ETV6: variants seen among roughly 807,000 people sequenced by gnomAD.
ETV6 encodes ETS variant transcription factor 6.
In ETV6, 16 loss-of-function variants were observed where a neutral mutation model predicts 51.1. The ratio of observed to expected loss-of-function variants is 0.31; its 90% CI spans 0.21 to 0.48. The LOEUF is 0.48. Ranked by LOEUF, ETV6 falls within the 20% of genes least tolerant of loss-of-function variation. The pLI is 0.99. For missense variants in ETV6, 458 were observed against 594.8 expected (o/e 0.77, Z 2.39); for synonymous variants, 240 against 224.1 (o/e 1.07, Z -0.64).
intron 1 of ETV6, among the ~76,000 whole-genome samples, chr12:11,661,272 C>G (rs1864097121): frequency 1.3e-5 from 2 of 152,234 alleles, no homozygotes. Context: ...GGATTATAGG[C>G]ATGAACCACT....
At chr12:11,861,440 T>C (rs1333356831) in intron 4 of ETV6, among the ~76,000 whole-genome samples, 1 of 152,048 alleles carries the variant, frequency 6.6e-6, no homozygotes, top group Non-Finnish European at 1.5e-5. Flanking sequence ...TGTGACGGAG[T>C]GTAGGGACTG....
At chr12:11,702,860 A>G (rs1368258254) in intron 1 of ETV6, among the ~76,000 whole-genome samples, 4 of 152,166 alleles carry the variant, frequency 2.6e-5, no homozygotes, top group Admixed American at 1.3e-4. Context: ...AATCCCAACA[A>G]TTTTGGAGGC....
At chr12:11,774,264 T>G (rs769037783) in intron 2 of ETV6, among the ~76,000 whole-genome samples, 22 of 152,218 alleles carry the variant, frequency 1.4e-4, no homozygotes, top group Admixed American at 3.3e-4. Flanking sequence ...ATGTTCTTCC[T>G]GGTCAACAAA....
At chr12:11,867,286 C>T (rs1428247941) in intron 4 of ETV6, among the ~76,000 whole-genome samples, 3 of 152,192 alleles carry the variant, frequency 2.0e-5, no homozygotes, top group Non-Finnish European at 4.4e-5. Context: ...CTTCATCTTG[C>T]TTTTCGTATC....
intron 1 of ETV6, among the ~76,000 whole-genome samples, chr12:11,670,860 A>G (rs1385993167): frequency 2.0e-5 from 3 of 152,242 alleles, no homozygotes; most frequent in Non-Finnish European, 2.9e-5. Flanking sequence ...CTTGCCTTGC[A>G]GGGTTTTAAA....
Position 11,690,270 on chromosome 12 carries a change from C to G in ETV6, c.33+40110C>G, listed in dbSNP as rs566536683. 4.0e-5 allele frequency among the ~76,000 whole-genome samples: 6 copies of G among 151,824 alleles called. No individual in the cohort carries two copies. In the East Asian group the frequency reaches 7.8e-4, roughly 20 times the overall value. Reference sequence around the variant, plus strand: ...TGCAGTGTGAGCTGTCCTTTCTCCCCCTTCCTCACGTCCTTACAAGACACC... The same window carrying G: ...TGCAGTGTGAGCTGTCCTTTCTCCCGCTTCCTCACGTCCTTACAAGACACC... On this transcript the variant is annotated intron_variant, in intron 1 of 7. Coordinates refer to ENST00000396373, the MANE Select transcript of ETV6 (RefSeq NM_001987.5).
intron 2 of ETV6, among the ~76,000 whole-genome samples, chr12:11,784,552 A>C (rs1194117461): frequency 6.6e-6 from 1 of 152,162 alleles, no homozygotes; most frequent in Non-Finnish European, 1.5e-5. Context: ...AACAACAATA[A>C]AGACCTTGAG....
chr12:11,655,987 A>G (rs1392415969), intron 1 of ETV6, among the ~76,000 whole-genome samples: 1 of 152,250 alleles, frequency 6.6e-6, no homozygotes, highest in Non-Finnish European at 1.5e-5. Flanking sequence ...GCTTACAGCT[A>G]TATAGTGATT....
At position 11,650,489 on chromosome 12, in the gene ETV6, A is replaced by AAC. The variant is rs1555109499; in HGVS notation, c.33+330_33+331insCA. ...CCCGTAATTAGTGCGCTTAAAAAAA[A>AAC]AAAAAACAAAAAACAAAAAAAAAAA... On this transcript the variant is annotated intron_variant, in intron 1 of 7. Coordinates refer to ENST00000396373, the MANE Select transcript of ETV6 (RefSeq NM_001987.5). Among the ~76,000 whole-genome samples, 29 of 67,390 alleles carry AAC rather than the reference A, an allele frequency of 4.3e-4. 1 individual carries two copies. Among genetic ancestry groups the AAC allele is most frequent in the Non-Finnish European group, 5.9e-4 (17 of 29,008 alleles). 44.2% of individuals were successfully genotyped at this position (67,390 alleles called of 152,430 possible).
At chr12:11,668,310 C>G (rs1159589670) in intron 1 of ETV6, among the ~76,000 whole-genome samples, 1 of 138,804 alleles carries the variant, frequency 7.2e-6, no homozygotes, top group African/African-American at 2.7e-5. Flanking sequence ...GGGAGGGACA[C>G]CCTCCCCTTC....
At chr12:11,771,921 A>C (rs1848391789) in intron 2 of ETV6, among the ~76,000 whole-genome samples, 1 of 152,236 alleles carries the variant, frequency 6.6e-6, no homozygotes, top group Non-Finnish European at 1.5e-5. Flanking sequence ...CTGTGATATG[A>C]GGAAATCACC....
intron 3 of ETV6, among the ~76,000 whole-genome samples, chr12:11,846,911 C>T (rs1165565553): frequency 1.3e-5 from 2 of 152,170 alleles, no homozygotes; most frequent in Non-Finnish European, 2.9e-5. Context: ...CTCGCTCTGT[C>T]GCCCAGGCTG....
At chr12:11,814,211 A>T (rs1310872166) in intron 2 of ETV6, among the ~76,000 whole-genome samples, 1 of 152,216 alleles carries the variant, frequency 6.6e-6, no homozygotes, top group Non-Finnish European at 1.5e-5. Context: ...AATTGTGTTA[A>T]ATAGAGTTTT....
At chr12:11,835,512 G>A (rs1024452551) in intron 2 of ETV6, among the ~76,000 whole-genome samples, 6 of 152,218 alleles carry the variant, frequency 3.9e-5, no homozygotes, top group South Asian at 2.1e-4. Context: ...GCTGTGAGCC[G>A]TGTAAGACTC....
At chr12:11,882,619 G>A (rs982017188) in intron 5 of ETV6, among the ~76,000 whole-genome samples, 6 of 152,152 alleles carry the variant, frequency 3.9e-5, no homozygotes, top group African/African-American at 9.7e-5. Flanking sequence ...ACTAAATACC[G>A]TTGTTATTTT....
chr12:11,750,792 C>CTGTTTTTT (rs1762533216), intron 1 of ETV6: 1 of 349,590 alleles, frequency 2.9e-6, no homozygotes, highest in Non-Finnish European at 5.3e-6. Context: ...TATGTGTGGG[C>CTGTTTTTT]TTTTTTTTTT....
At chr12:11,870,674 A>G (rs1475089051) in intron 5 of ETV6, among the ~76,000 whole-genome samples, 1 of 152,228 alleles carries the variant, frequency 6.6e-6, no homozygotes, top group Non-Finnish European at 1.5e-5. Flanking sequence ...TTCGTAGAGC[A>G]TTTCTCCATT....
Position 11,869,506 on chromosome 12 carries a change from C to A in ETV6, c.546C>A (p.Ser182=), listed in dbSNP as rs770973373. ...NPPTIELLHR[S]RSPITTNHRP... Reference sequence around the variant, plus strand: ...CCACCATTGAACTGTTGCACCGCTCCAGGTCACCTATCACGACAAATCACC... The same window carrying A: ...CCACCATTGAACTGTTGCACCGCTCAAGGTCACCTATCACGACAAATCACC... The change falls in exon 5 of 8, where the codon TCC becomes TCA. Residue 182 remains serine (S), a synonymous_variant. Coordinates refer to ENST00000396373, the MANE Select transcript of ETV6 (RefSeq NM_001987.5). This position sits in a 1 kb window ranked among gnomAD's most constrained non-coding sequence, Gnocchi z 5.0. The A allele has an allele frequency of 3.1e-6, 5 of 1,614,028 alleles. No individual in the cohort carries two copies. The African/African-American group carries it at 6.7e-5, about 22-fold the overall frequency.
chr12:11,759,833 GGT>G (rs1565515190), intron 2 of ETV6, among the ~76,000 whole-genome samples: 1 of 152,166 alleles, frequency 6.6e-6, no homozygotes, highest in African/African-American at 2.4e-5. Context: ...AGAAAGCATT[GGT>G]TGAGCTGAGT....
Sources: gnomAD v4.1 joint callset for allele counts (sites outside exome capture counted in the v4.1 genomes callset) on GRCh38, gnomAD v4.1.1 for gene constraint, Gnocchi (gnomAD v3.1) non-coding constraint, MANE v1.5 for transcripts, NCBI Gene and HGNC (gene_info 2026-07-23, HGNC 2026-07-21) for gene names.